The following ANXA11 variants were observed in gnomAD, a reference collection of about 807,000 sequenced individuals.
ANXA11 encodes annexin A11, also known as 56 kDa autoantigen.
In ANXA11, 57 loss-of-function variants were observed where a neutral mutation model predicts 64.7. The ratio of observed to expected loss-of-function variants is 0.88; its 90% CI spans 0.71 to 1.10. ANXA11 has a LOEUF of 1.10. Ranked by LOEUF, ANXA11 falls within the 50% of genes least tolerant of loss-of-function variation. The probability of loss-of-function intolerance (pLI) is 0.00; values close to 1 mark genes in which losing one functional copy is unlikely to be tolerated. For synonymous variants in ANXA11, 260 were observed against 265.2 expected, an observed-to-expected ratio of 0.98 and a Z score of 0.19; for missense variants, 675 against 670.7, an observed-to-expected ratio of 1.01 and a Z score of -0.07.
chr10:80,159,726 G>C (rs1297883771), intron 12 of ANXA11, among the ~76,000 whole-genome samples: 2 of 152,148 alleles, frequency 1.3e-5, no homozygotes, highest in Non-Finnish European at 2.9e-5. Flanking sequence ...TGCACCACCT[G>C]ATGTCCCTCC....
intron 1 of ANXA11, among the ~76,000 whole-genome samples, chr10:80,190,706 C>T (rs1039533730): frequency 3.9e-4 from 58 of 150,568 alleles, no homozygotes; most frequent in African/African-American, 1.2e-3. Flanking sequence ...AAGATGGTCT[C>T]GATCTCCTGA....
At chr10:80,205,557 G>A (rs1181685873), upstream of ANXA11, 1 of 152,086 alleles carries the variant, frequency 6.6e-6, no homozygotes, top group Admixed American at 6.5e-5. Flanking sequence ...GCTGCCCCAG[G>A]TGCCAGAGGC....
At position 80,157,985 on chromosome 10, in the gene ANXA11, C is replaced by T; in HGVS notation, c.1317G>A (p.Arg439=). The T allele has an allele frequency of 6.2e-7, 1 of 1,614,098 alleles. No individual in the cohort carries two copies. Among genetic ancestry groups the T allele is most frequent in the Admixed American group, 1.7e-5 (1 of 60,018 alleles). ...LKNTPAFFAE[R]LNKAMRGAGT... ...TACATACCCTCATGGCCTTGTTGAG[C>T]CTCTCCGCAAAGAAGGCTGGGGTAT... The change falls in exon 14 of 16, where the codon AGG becomes AGA. Residue 439 remains arginine, a synonymous_variant. Transcript: ENST00000422982.
intron 3 of ANXA11, chr10:80,171,849 A>G: frequency 1.0e-6 from 1 of 985,452 alleles, no homozygotes; most frequent in East Asian, 1.1e-4. Context: ...GATTTCTACT[A>G]TAGAGAGAGA....
intron 4 of ANXA11, 130 bp from the exon 5 acceptor site, chr10:80,169,488 C>T: frequency 2.8e-6 from 3 of 1,090,620 alleles, no homozygotes; most frequent in Non-Finnish European, 4.0e-6. Flanking sequence ...TACCGTTATA[C>T]CCATTTCACA....
At chr10:80,204,417 G>GTGGGC (rs754296637) in intron 1 of ANXA11, among the ~76,000 whole-genome samples, 350 of 152,168 alleles carry the variant, frequency 2.3e-3, no homozygotes, top group Middle Eastern at 0.014. Context: ...TCCCTGTTGC[G>GTGGGC]TGGGCAGGGC....
At chr10:80,186,514 G>A (rs1846545615) in intron 1 of ANXA11, among the ~76,000 whole-genome samples, 1 of 152,194 alleles carries the variant, frequency 6.6e-6, no homozygotes, top group African/African-American at 2.4e-5. Flanking sequence ...AGGGGACAGC[G>A]AAGGCAAGAC....
intron 15 of ANXA11, chr10:80,156,863 T>C (rs1211397443): frequency 8.7e-6 from 3 of 344,430 alleles, no homozygotes; most frequent in Non-Finnish European, 8.2e-6. Context: ...CACAGTGAGT[T>C]TCCTGTGATG....
intron 2 of ANXA11, among the ~76,000 whole-genome samples, chr10:80,173,713 G>A (rs903463415): frequency 1.6e-4 from 24 of 152,242 alleles, no homozygotes; most frequent in African/African-American, 5.8e-4. Flanking sequence ...AGCAGCTGCT[G>A]CTGCAGTCTG....
intron 12 of ANXA11, among the ~76,000 whole-genome samples, chr10:80,160,243 C>A (rs1845453007): frequency 6.6e-6 from 1 of 152,214 alleles, no homozygotes. Context: ...CTTACATGTT[C>A]TGTACTCATT....
intron 5 of ANXA11, among the ~76,000 whole-genome samples, chr10:80,168,243 T>C (rs989391410): frequency 1.8e-5 from 2 of 113,504 alleles, no homozygotes; most frequent in Non-Finnish European, 3.8e-5. Context: ...CTCCAAAACC[T>C]GTCTGTGCCG....
At chr10:80,205,279 G>T (rs894942860) in intron 1 of ANXA11, 64 bp downstream of exon 1, 2 of 151,176 alleles carry the variant, frequency 1.3e-5, no homozygotes, top group Non-Finnish European at 3.0e-5. Flanking sequence ...CCTCACCCGC[G>T]GCGCCGCGGT....
At position 80,156,889 on chromosome 10, in the gene ANXA11, T is replaced by C. The variant is rs966363453; in HGVS notation, c.1458+752A>G. The C allele has an allele frequency of 2.2e-5, 12 of 555,886 alleles. No homozygotes were observed. The African/African-American group carries it at 2.5e-4, about 11-fold the overall frequency. The allele number at this position is 555,886 out of a possible 1,614,324, so 34.4% of individuals were successfully genotyped here. On this transcript the variant is annotated intron_variant, in intron 15 of 15. Coordinates refer to ENST00000422982, the MANE Select transcript of ANXA11 (RefSeq NM_145868.2). ...TCCTGTGATGACATGCCCACCATCATCAAATGCTACTGAGTCTAAGGTGGG... is the reference window on the plus strand; with the variant it reads ...TCCTGTGATGACATGCCCACCATCACCAAATGCTACTGAGTCTAAGGTGGG...
chr10:80,182,979 G>A (rs979107924), intron 1 of ANXA11, among the ~76,000 whole-genome samples: 1 of 152,162 alleles, frequency 6.6e-6, no homozygotes, highest in Non-Finnish European at 1.5e-5. Context: ...ACATCTGGTC[G>A]CAGGGTGAAG....
At position 80,157,974 on chromosome 10, in the gene ANXA11, G is replaced by T. The variant is rs1000931056; in HGVS notation, c.1328C>A (p.Ala443Asp). ...PAFFAERLNK[A>D]MRGAGTKDRT... is the part of the protein sequence containing the mutation. ...CACATGGAAGTTACATACCCTCATG[G>T]CCTTGTTGAGCCTCTCCGCAAAGAA... Residue 443 changes from alanine to aspartate, a missense_variant, in exon 14 of 16, where the codon GCC (alanine) becomes GAC (aspartate). Coordinates refer to ENST00000422982, the MANE Select transcript of ANXA11 (RefSeq NM_145868.2). The T allele has an allele frequency of 8.1e-6, 13 of 1,613,872 alleles. No individual in the cohort carries two copies. Among genetic ancestry groups the T allele is most frequent in the Non-Finnish European group, 1.1e-5 (13 of 1,179,918 alleles).
chr10:80,204,039 G>A (rs376308625), intron 1 of ANXA11, among the ~76,000 whole-genome samples: 1 of 152,256 alleles, frequency 6.6e-6, no homozygotes, highest in African/African-American at 2.4e-5. Context: ...TGACTGGTCC[G>A]TACCTGAGCT....
At chr10:80,175,782 C>T (rs1246491610) in intron 2 of ANXA11, among the ~76,000 whole-genome samples, 7 of 152,154 alleles carry the variant, frequency 4.6e-5, no homozygotes, top group South Asian at 4.1e-4. Context: ...GTCGGCTGGG[C>T]GCAGTGGCTC....
intron 1 of ANXA11, among the ~76,000 whole-genome samples, chr10:80,199,676 A>C (rs1840335810): frequency 6.6e-6 from 1 of 152,184 alleles, no homozygotes; most frequent in South Asian, 2.1e-4. Flanking sequence ...TCTCAAAATA[A>C]ATAAAAATGA....
At chr10:80,202,206 C>CAGG (rs1840463470) in intron 1 of ANXA11, among the ~76,000 whole-genome samples, 2 of 147,050 alleles carry the variant, frequency 1.4e-5, no homozygotes, top group Admixed American at 6.8e-5. Flanking sequence ...GGGGGGGAAG[C>CAGG]GGGGGGTCTC....
Sources: gnomAD v4.1 joint callset for allele counts (sites outside exome capture counted in the v4.1 genomes callset) on GRCh38, gnomAD v4.1.1 for gene constraint, MANE v1.5 for transcripts, NCBI Gene and HGNC (gene_info 2026-07-23, HGNC 2026-07-21) for gene names.